MACROD2: variants seen among roughly 807,000 people sequenced by gnomAD.
MACROD2 encodes the protein ADP-ribose glycohydrolase MACROD2.
A neutral mutation model predicts 70.4 loss-of-function variants in MACROD2; 36 were observed. That is an observed-to-expected ratio of 0.51 (90% CI 0.39 to 0.68). The LOEUF (loss-of-function observed/expected upper bound fraction) is 0.68. Among genes scored for constraint, MACROD2 ranks in the 30% least tolerant of loss-of-function variants. The pLI is 0.00. For synonymous variants in MACROD2, 172 were observed against 178.8 expected (o/e 0.96, Z 0.30); for missense variants, 496 against 538.4 (o/e 0.92, Z 0.78).
intron 8 of MACROD2, among the ~76,000 whole-genome samples, chr20:15,756,525 T>C (rs2051350162): frequency 6.6e-6 from 1 of 152,182 alleles, no homozygotes; most frequent in South Asian, 2.1e-4. Flanking sequence ...AGTGTACCTC[T>C]TTAAAAGGTT....
At chr20:14,541,632 A>C (rs2085434203) in intron 4 of MACROD2, among the ~76,000 whole-genome samples, 2 of 151,776 alleles carry the variant, frequency 1.3e-5, no homozygotes, top group Admixed American at 1.3e-4. Flanking sequence ...TAATGAATGC[A>C]TGGATATGTG....
At chr20:14,082,283 A>G (rs1393896321) in intron 2 of MACROD2, among the ~76,000 whole-genome samples, 1 of 136,692 alleles carries the variant, frequency 7.3e-6, no homozygotes, top group Non-Finnish European at 1.5e-5. Context: ...GGTTCCAGTG[A>G]TTCTCCTGCC....
intron 5 of MACROD2, among the ~76,000 whole-genome samples, chr20:14,785,497 C>T (rs955944990): frequency 2.2e-4 from 34 of 152,104 alleles, no homozygotes; most frequent in African/African-American, 8.2e-4. Context: ...CCCTGGGGGA[C>T]TTGGAGTCAA....
rs1467731052 is a variant in MACROD2, at chr20:14,889,544, G to A, written c.418+204585G>A. ...AATGACTTAAAAGAGATAAAGGAAT[G>A]AAACAAGCAGATATGCTGGGGAAAG... On this transcript the variant is annotated intron_variant, in intron 5 of 17. Coordinates refer to ENST00000684519, the MANE Select transcript of MACROD2 (RefSeq NM_001351661.2). 2.0e-5 allele frequency among the ~76,000 whole-genome samples: 3 copies of A among 152,066 alleles called. No individual in the cohort carries two copies. In the South Asian group the frequency reaches 6.2e-4, roughly 32 times the overall value.
rs139374558 is a variant in MACROD2 at position 15,958,670 on chromosome 20, C to T, written c.908-8883C>T. 3.6e-3 allele frequency among the ~76,000 whole-genome samples: 553 copies of T among 152,282 alleles called. 4 individuals are homozygous for T. Among genetic ancestry groups the T allele is most frequent in the African/African-American group, 0.013 (528 of 41,558 alleles). Reference sequence around the variant, plus strand: ...ATGCATATGTCAGTGCTGTGGACTTCGTGTTTGTCCCCTCCACCCCCAACA... The same window carrying T: ...ATGCATATGTCAGTGCTGTGGACTTTGTGTTTGTCCCCTCCACCCCCAACA... On this transcript the variant is annotated intron_variant, in intron 12 of 17. Transcript: ENST00000684519.
chr20:15,413,685 A>C (rs1417745728), intron 6 of MACROD2, among the ~76,000 whole-genome samples: 2 of 152,208 alleles, frequency 1.3e-5, no homozygotes, highest in Non-Finnish European at 2.9e-5. Context: ...GCAGGAGACA[A>C]AATTCATATG....
At position 15,008,465 on chromosome 20, in the gene MACROD2, C is replaced by T. The variant is rs373070418; in HGVS notation, c.419-221475C>T. Among the ~76,000 whole-genome samples, 7 of 152,230 alleles carry T rather than the reference C, an allele frequency of 4.6e-5. No homozygotes were observed. The East Asian group carries it at 9.7e-4, about 21-fold the overall frequency. ...GTATGTTTTGAGCACAGACTGTGTG[C>T]AACACTTTGTGTGGGATGTTCATCG... On this transcript the variant is annotated intron_variant, in intron 5 of 17. Coordinates refer to ENST00000684519, the MANE Select transcript of MACROD2 (RefSeq NM_001351661.2).
intron 3 of MACROD2, among the ~76,000 whole-genome samples, chr20:14,443,099 G>A (rs946078864): frequency 2.6e-5 from 4 of 151,040 alleles, no homozygotes; most frequent in Admixed American, 1.3e-4. Flanking sequence ...AAAAAGAAAT[G>A]AGAACTACAC....
At chr20:15,819,190 T>A (rs1347181261) in intron 8 of MACROD2, among the ~76,000 whole-genome samples, 1 of 147,190 alleles carries the variant, frequency 6.8e-6, no homozygotes, top group Non-Finnish European at 1.5e-5. Flanking sequence ...GTGGTGTAAA[T>A]CTGTATCTAT....
At chr20:15,352,569 T>C (rs1450294500) in intron 6 of MACROD2, among the ~76,000 whole-genome samples, 1 of 152,138 alleles carries the variant, frequency 6.6e-6, no homozygotes, top group Non-Finnish European at 1.5e-5. Context: ...AGCAAGAATA[T>C]GCCATTTTAC....
intron 2 of MACROD2, among the ~76,000 whole-genome samples, chr20:14,068,010 A>T (rs1030004313): frequency 3.9e-5 from 6 of 152,216 alleles, no homozygotes; most frequent in South Asian, 4.1e-4. Flanking sequence ...GGACATATAG[A>T]TCTATAAAAC....
rs200651980 is a variant in MACROD2, at chr20:15,614,642, TA to T, written c.645+114801del. Among the ~76,000 whole-genome samples, 1,262 of 152,138 alleles carry T rather than the reference TA, an allele frequency of 8.3e-3. 15 individuals carry two copies. The highest frequency in any genetic ancestry group is 8.7e-3 in the Non-Finnish European group (589 of 67,990). On this transcript the variant is annotated intron_variant, in intron 8 of 17. Coordinates refer to ENST00000684519, the MANE Select transcript of MACROD2 (RefSeq NM_001351661.2). ...CAGTATACCACATGCCCTGTTACAA[TA>T]AAAAAGTATTGTATACAAAAAGGAT...
intron 8 of MACROD2, among the ~76,000 whole-genome samples, chr20:15,689,207 G>A (rs2050267150): frequency 6.6e-6 from 1 of 152,098 alleles, no homozygotes; most frequent in Non-Finnish European, 1.5e-5. Flanking sequence ...AGGAGGCTGA[G>A]GCAAGAGAAT....
intron 6 of MACROD2, among the ~76,000 whole-genome samples, chr20:15,327,033 T>G (rs1196025191): frequency 3.3e-5 from 5 of 152,144 alleles, no homozygotes; most frequent in Non-Finnish European, 7.4e-5. Context: ...GTGTATGAAT[T>G]TATTTAATAT....
intron 5 of MACROD2, among the ~76,000 whole-genome samples, chr20:15,179,570 GCT>G (rs1419923787): frequency 6.6e-6 from 1 of 152,150 alleles, no homozygotes; most frequent in African/African-American, 2.4e-5. Context: ...TTACAAGACA[GCT>G]CTCTTCTCAT....
At chr20:14,480,681 G>C (rs1053450527) in intron 3 of MACROD2, among the ~76,000 whole-genome samples, 1 of 152,084 alleles carries the variant, frequency 6.6e-6, no homozygotes, top group African/African-American at 2.4e-5. Flanking sequence ...TCCACAGCTG[G>C]CCTGATGGAA....
intron 4 of MACROD2, among the ~76,000 whole-genome samples, chr20:14,683,604 A>G (rs535718538): frequency 3.0e-4 from 45 of 152,334 alleles, no homozygotes; most frequent in African/African-American, 9.4e-4. Flanking sequence ...TGAGGCCAAA[A>G]GTGATGCCTC....
chr20:15,794,960 C>T (rs1210276641), intron 8 of MACROD2, among the ~76,000 whole-genome samples: 2 of 152,116 alleles, frequency 1.3e-5, no homozygotes, highest in Non-Finnish European at 2.9e-5. Context: ...ATGTCTTCCT[C>T]TTTCCTACCC....
intron 8 of MACROD2, among the ~76,000 whole-genome samples, chr20:15,814,842 T>A (rs945971005): frequency 2.0e-5 from 3 of 152,252 alleles, no homozygotes; most frequent in Admixed American, 6.5e-5. Context: ...AAGCTTTTGC[T>A]ACAGCACAGT....
Sources: gnomAD v4.1 joint callset for allele counts (sites outside exome capture counted in the v4.1 genomes callset) on GRCh38, gnomAD v4.1.1 for gene constraint, MANE v1.5 for transcripts, NCBI Gene and HGNC (gene_info 2026-07-23, HGNC 2026-07-21) for gene names.